The following LCT variants were observed in gnomAD, a reference collection of about 807,000 sequenced individuals.
LCT encodes lactase/phlorizin hydrolase.
LCT carries 90 observed loss-of-function variants against 173.0 expected under a neutral mutation model. The observed-to-expected ratio is 0.52, with a 90% confidence interval of 0.44 to 0.62. The LOEUF is 0.62. LCT is among the 20% of genes least tolerant of loss of function. The pLI, the probability that LCT is intolerant of heterozygous loss-of-function variation, is 0.00. For synonymous variants in LCT, 853 were observed against 957.6 expected (o/e 0.89, Z 2.02); for missense variants, 1,864 against 2,431.4 (o/e 0.77, Z 4.91).
At chr2:135,834,474 C>T (rs2077968095) in intron 1 of LCT, among the ~76,000 whole-genome samples, 1 of 148,578 alleles carries the variant, frequency 6.7e-6, no homozygotes, top group Non-Finnish European at 1.5e-5. Context: ...CGTGAACCAC[C>T]ACGCCTGGCC....
Position 135,794,031 on chromosome 2 carries a change from T to C in LCT, c.5111+610A>G, listed in dbSNP as rs1239390122. Among the ~76,000 whole-genome samples the C allele has an allele frequency of 2.0e-5, 3 of 151,470 alleles. No homozygotes were observed. In the East Asian group the frequency reaches 5.8e-4, roughly 29 times the overall value. Reference sequence around the variant, plus strand: ...GGTACGCGCCTGTAATCCCAGCTACTTGGAGGCTGAGGCAGGGGAATCACT... The same window carrying C: ...GGTACGCGCCTGTAATCCCAGCTACCTGGAGGCTGAGGCAGGGGAATCACT... On this transcript the variant is annotated intron_variant, in intron 14 of 16. Transcript: ENST00000264162.
intron 6 of LCT, among the ~76,000 whole-genome samples, chr2:135,816,649 C>A (rs549068910): frequency 3.9e-5 from 6 of 152,246 alleles, no homozygotes; most frequent in Non-Finnish European, 7.4e-5. Context: ...TTGGGTTGAG[C>A]TTTCTGTCAC....
rs771049174 is a variant in LCT, at chr2:135,812,422, C to G, written c.2242G>C (p.Val748Leu). ...CCATTCCCGGCAAGGTATATTGGAA[C>G]TTTTCCTCTTGTGTATTCCAGGGAT... ...FVSLEYTRGK[V>L]PIYLAGNGMP... The change falls in exon 7 of 17, where the codon GTT becomes CTT. Residue 748 changes from valine (V) to leucine (L), a missense_variant. Physicochemically the swap from Val to Leu is conservative, Grantham distance 32 (BLOSUM62 1). Transcript: ENST00000264162. The G allele has an allele frequency of 2.5e-6, 4 of 1,614,206 alleles. No homozygotes were observed. In the Admixed American group the frequency reaches 5.0e-5, roughly 20 times the overall value.
intron 14 of LCT, among the ~76,000 whole-genome samples, chr2:135,791,678 AGAGG>A (rs1413928439): frequency 6.6e-6 from 1 of 152,150 alleles, no homozygotes; most frequent in Non-Finnish European, 1.5e-5. Context: ...AGGGCTCATA[AGAGG>A]GAGGGAGAAT....
intron 3 of LCT, among the ~76,000 whole-genome samples, chr2:135,827,561 G>A (rs1175161653): frequency 6.6e-6 from 1 of 152,134 alleles, no homozygotes; most frequent in African/African-American, 2.4e-5. Flanking sequence ...CCACAGACTT[G>A]GGGGAGGTAG....
At chr2:135,825,403 A>G (rs1358357026) in intron 3 of LCT, among the ~76,000 whole-genome samples, 7 of 152,150 alleles carry the variant, frequency 4.6e-5, no homozygotes, top group African/African-American at 7.2e-5. Flanking sequence ...TGCTGGGTCA[A>G]TGCAGTGGGG....
At chr2:135,833,711 G>T (rs1199756655) in intron 1 of LCT, among the ~76,000 whole-genome samples, 1 of 151,844 alleles carries the variant, frequency 6.6e-6, no homozygotes, top group East Asian at 2.0e-4. Flanking sequence ...CTCCCAAAGT[G>T]TTGGGATTAC....
At chr2:135,805,175 TA>T in intron 9 of LCT, 118 bp from the exon 10 acceptor site, 3 of 1,002,776 alleles carry the variant, frequency 3.0e-6, no homozygotes, top group South Asian at 1.3e-5. Context: ...ACGCTTAGCT[TA>T]AAACAAGCAC....
At chr2:135,807,681 C>T in intron 8 of LCT, among the ~76,000 whole-genome samples, 1 of 152,218 alleles carries the variant, frequency 6.6e-6, no homozygotes, top group South Asian at 2.1e-4. Context: ...AAGCCCAATG[C>T]ATCTGTAGTC....
At chr2:135,833,047 T>C (rs2077952212) in intron 2 of LCT, 64 bp downstream of exon 2, 4 of 1,280,486 alleles carry the variant, frequency 3.1e-6, no homozygotes, top group Non-Finnish European at 4.6e-6. Flanking sequence ...ACTTCTCTTG[T>C]TTTTAAAAAA....
rs1417898720 is a variant in LCT at position 135,788,485 on chromosome 2, G to C, written c.5623C>G (p.Leu1875Val). Residue 1875 changes from leucine (L) to valine (V), a missense_variant, in exon 17 of 17, where the codon CTC becomes GTC. Physicochemically the swap from Leu to Val is conservative, Grantham distance 32. Around this residue, in one of 4 missense-constraint regions of LCT, gnomAD observed 514 missense variants for 750.1 expected, o/e 0.69. Transcript: ENST00000264162. ...GCTGTCTGTGCTTCTGTGGTGCCGAGCATTAGCCCCAGGAACTGCACCTCC... is the reference window on the plus strand; with the variant it reads ...GCTGTCTGTGCTTCTGTGGTGCCGACCATTAGCCCCAGGAACTGCACCTCC... The part of the protein sequence containing the change: ...QEEVQFLGLM[L>V]GTTEAQTALY... The C allele has an allele frequency of 6.8e-6, 11 of 1,613,036 alleles. No individual in the cohort carries two copies. Among genetic ancestry groups the C allele is most frequent in the East Asian group, 2.2e-5 (1 of 44,902 alleles).
chr2:135,810,255 G>T (rs1369906135), intron 7 of LCT: 3 of 420,272 alleles, frequency 7.1e-6, no homozygotes, highest in African/African-American at 2.0e-5. Context: ...AGTCAACTGA[G>T]ATAAGTTATT....
At position 135,809,083 on chromosome 2, in the gene LCT, C is replaced by T. The variant is rs1200289201; in HGVS notation, c.3264G>A (p.Trp1088Ter). ...EFPPGVKDPG[W>*]APYRIAHAVI... ...CGGCGTGGGCTATCCTATATGGTGC[C>T]CAGCCTGGGTCCTTCACCCCTGGGG... Residue 1088 changes from tryptophan to a stop codon, truncating the protein, a stop_gained, in exon 8 of 17, where the codon TGG (tryptophan) becomes TGA (stop). Transcript: ENST00000264162. LOFTEE classifies it high-confidence loss of function. This position sits in a 1 kb window ranked among gnomAD's most constrained non-coding sequence, Gnocchi z 5.5. 6.2e-7 allele frequency: 1 copy of T among 1,613,832 alleles called. No individual in the cohort carries two copies. Among genetic ancestry groups the T allele is most frequent in the Non-Finnish European group, 8.5e-7 (1 of 1,180,044 alleles).
chr2:135,809,652 A>T lies in LCT; in HGVS notation c.2695T>A (p.Tyr899Asn). The T allele has an allele frequency of 6.2e-7, 1 of 1,614,264 alleles. No individual in the cohort carries two copies. Residue 899 changes from tyrosine to asparagine, a missense_variant, in exon 8 of 17, where the codon TAC becomes AAC. Physicochemically the swap from Tyr to Asn is moderately radical, Grantham distance 143. This residue lies in a region of LCT where 755 missense variants were observed against 926.3 expected (regional missense o/e 0.82). Coordinates refer to ENST00000264162, the MANE Select transcript of LCT (RefSeq NM_002299.4). This position sits in a 1 kb window ranked among gnomAD's most constrained non-coding sequence, Gnocchi z 5.5. ...AAGTCATCCCGAAACGTCCCGTGGT[A>T]GAACAAATCTCTTTCGAACTTGGGT... Reference protein sequence around the residue: ...SQPKFERDLFYHGTFRDDFLW... With the variant: ...SQPKFERDLFNHGTFRDDFLW...
intron 10 of LCT, 93 bp from the exon 11 acceptor site, chr2:135,804,221 C>T (rs2077650360): frequency 4.1e-6 from 4 of 971,944 alleles, no homozygotes; most frequent in African/African-American, 1.6e-5. Flanking sequence ...GCTGCAAATC[C>T]TGAGAGTGAC....
chr2:135,798,089 T>C lies in LCT; in HGVS notation c.4916A>G (p.Asn1639Ser), dbSNP rs2322659. The stretch of plus-strand genomic sequence containing the variant: ...ACGGATCCGCGTCTTCATCACCTCA[T>C]TGTAATCTCCATTCTTGAAAATAGG... ...AHPIFKNGDY[N>S]EVMKTRIRDR... is the part of the protein sequence containing the mutation. The change falls in exon 13 of 17, where the codon AAT (asparagine) becomes AGT (serine). Residue 1639 changes from asparagine to serine, a missense_variant. Coordinates refer to ENST00000264162, the MANE Select transcript of LCT (RefSeq NM_002299.4). 0.71 allele frequency: 1,139,106 copies of C among 1,611,080 alleles called. 423,167 individuals are homozygous for C. Among genetic ancestry groups the C allele is most frequent in the Non-Finnish European group, 0.78 (915,821 of 1,177,482 alleles).
chr2:135,829,722 A>G (rs765827711), intron 2 of LCT, 46 bp from the exon 3 acceptor site: 4 of 1,251,744 alleles, frequency 3.2e-6, no homozygotes, highest in Non-Finnish European at 4.7e-6. Flanking sequence ...AAGCACTGTC[A>G]AGACTAACAG....
intron 9 of LCT, 146 bp downstream of exon 9, chr2:135,806,982 A>T (rs2077680860): frequency 1.1e-6 from 1 of 904,900 alleles, no homozygotes; most frequent in South Asian, 1.4e-5. Context: ...GGCTGTCTGG[A>T]AGAGGACCTC....
At chr2:135,803,063 T>A (rs913376201) in intron 11 of LCT, among the ~76,000 whole-genome samples, 4 of 151,940 alleles carry the variant, frequency 2.6e-5, no homozygotes, top group Non-Finnish European at 4.4e-5. Context: ...AGTGAGCTGG[T>A]ATCATACCAC....
Sources: gnomAD v4.1 joint callset for allele counts (sites outside exome capture counted in the v4.1 genomes callset) on GRCh38, gnomAD v4.1.1 for gene constraint, gnomAD v4.1.1 regional missense constraint, Gnocchi (gnomAD v3.1) non-coding constraint, MANE v1.5 for transcripts, NCBI Gene and HGNC (gene_info 2026-07-23, HGNC 2026-07-21) for gene names.